The following ZNF521 variants were observed in gnomAD, a reference collection of about 807,000 sequenced individuals.
ZNF521 encodes the protein zinc finger protein 521, also known as LYST-interacting protein 3.
In ZNF521, 14 loss-of-function variants were observed where a neutral mutation model predicts 105.5. The ratio of observed to expected loss-of-function variants is 0.13; its 90% CI spans 0.09 to 0.21. The LOEUF (loss-of-function observed/expected upper bound fraction) is 0.21. Among genes scored for constraint, ZNF521 ranks in the 10% least tolerant of loss-of-function variants. ZNF521 has a pLI of 1.00. For synonymous variants in ZNF521, 635 were observed against 606.0 expected (o/e 1.05, Z -0.70); for missense variants, 1,233 against 1,629.7 (o/e 0.76, Z 4.19).
At chr18:25,231,415 GA>G (rs1245113192) in intron 3 of ZNF521, 1 of 152,280 alleles carries the variant, frequency 6.6e-6, no homozygotes, top group Non-Finnish European at 1.5e-5. Context: ...ACAGAAAAGT[GA>G]AGTCATACCA....
chr18:25,076,872 G>A lies in ZNF521; in HGVS notation c.3906+12593C>T, dbSNP rs1008005822. On this transcript the variant is annotated intron_variant, in intron 7 of 7. Coordinates refer to ENST00000361524, the MANE Select transcript of ZNF521 (RefSeq NM_015461.3). ...GTTAACACAGAGGCCTGGGATGGAA[G>A]GCTGGGATGGCCCCCTTATAGGGTA... Among the ~76,000 whole-genome samples, 5 of 152,380 alleles carry A rather than the reference G, an allele frequency of 3.3e-5. No homozygotes were observed. In the Middle Eastern group the frequency reaches 0.01, roughly 311 times the overall value.
chr18:25,311,532 G>A (rs1912308722), intron 3 of ZNF521, among the ~76,000 whole-genome samples: 1 of 152,102 alleles, frequency 6.6e-6, no homozygotes, highest in Non-Finnish European at 1.5e-5. Context: ...CCAAATGACT[G>A]CAGAGGGCCT....
At chr18:25,106,168 A>G (rs1245559215) in intron 5 of ZNF521, among the ~76,000 whole-genome samples, 1 of 152,178 alleles carries the variant, frequency 6.6e-6, no homozygotes, top group Non-Finnish European at 1.5e-5. Context: ...AAACTGTTTG[A>G]AAATCCAAAA....
rs138548681 is a variant in ZNF521, at chr18:25,293,672, A to G, written c.220+28336T>C. 5.1e-3 allele frequency among the ~76,000 whole-genome samples: 771 copies of G among 152,264 alleles called. 2 individuals carry two copies. The highest frequency in any genetic ancestry group is 0.024 in the Middle Eastern group (7 of 294). ...GGCTGCTTTGTTAGTGTTCATTTTT[A>G]TATTTTAGGTATTTAAATAGTATTG... On this transcript the variant is annotated intron_variant, in intron 3 of 7. Transcript: ENST00000361524.
At chr18:25,129,809 T>C (rs77170954) in intron 5 of ZNF521, among the ~76,000 whole-genome samples, 2 of 88,130 alleles carry the variant, frequency 2.3e-5, no homozygotes, top group Non-Finnish European at 6.6e-5. Context: ...CCTGTCAGAA[T>C]GACTGATTTC....
intron 3 of ZNF521, among the ~76,000 whole-genome samples, chr18:25,318,409 G>C (rs1336310879): frequency 6.6e-6 from 1 of 152,058 alleles, no homozygotes; most frequent in Non-Finnish European, 1.5e-5. Flanking sequence ...TATTTATTTT[G>C]CCAAAATTCA....
intron 4 of ZNF521, among the ~76,000 whole-genome samples, chr18:25,223,018 G>T (rs545509172): frequency 6.6e-6 from 1 of 152,174 alleles, no homozygotes; most frequent in Non-Finnish European, 1.5e-5. Flanking sequence ...ACACATACGT[G>T]TTCGCTGTGT....
At chr18:25,340,261 G>A (rs947969670) in intron 2 of ZNF521, among the ~76,000 whole-genome samples, 2 of 152,066 alleles carry the variant, frequency 1.3e-5, no homozygotes, top group Non-Finnish European at 2.9e-5. Flanking sequence ...AGGCTGAGGT[G>A]AGAGGATCGC....
intron 5 of ZNF521, among the ~76,000 whole-genome samples, chr18:25,110,466 AGAATGAGAGAGGGAGG>A (rs959437048): frequency 5.9e-5 from 9 of 151,950 alleles, no homozygotes; most frequent in Admixed American, 1.3e-4. Flanking sequence ...AAAGAGGGAG[AGAATGAGAGAGGGAGG>A]GAAGAGACAG....
intron 5 of ZNF521, among the ~76,000 whole-genome samples, chr18:25,148,104 G>A (rs1331577616): frequency 3.9e-5 from 6 of 152,138 alleles, no homozygotes; most frequent in East Asian, 1.9e-4. Context: ...GCTTTTATGA[G>A]ACAGCAGTTG....
At chr18:25,079,368 T>G (rs1019968981) in intron 7 of ZNF521, among the ~76,000 whole-genome samples, 9 of 152,182 alleles carry the variant, frequency 5.9e-5, no homozygotes, top group South Asian at 2.1e-4. Context: ...GGGTCCCTCT[T>G]ACTCATCGAT....
chr18:25,338,205 T>C (rs1416865073), intron 2 of ZNF521, among the ~76,000 whole-genome samples: 1 of 151,634 alleles, frequency 6.6e-6, no homozygotes, highest in East Asian at 1.9e-4. Context: ...TGACCTTTCT[T>C]ACAGAATTAC....
At chr18:25,348,196 C>T (rs1183010543) in intron 2 of ZNF521, among the ~76,000 whole-genome samples, 2 of 152,146 alleles carry the variant, frequency 1.3e-5, no homozygotes, top group Non-Finnish European at 2.9e-5. Context: ...GAACACAGGT[C>T]ATAATAACAC....
intron 7 of ZNF521, among the ~76,000 whole-genome samples, chr18:25,081,462 ATTG>A (rs1316826847): frequency 6.6e-6 from 1 of 152,172 alleles, no homozygotes; most frequent in Non-Finnish European, 1.5e-5. Context: ...GTTTCAGCTT[ATTG>A]CAATTACCTC....
chr18:25,325,077 G>A (rs1296101430), intron 2 of ZNF521, among the ~76,000 whole-genome samples: 3 of 152,332 alleles, frequency 2.0e-5, no homozygotes, highest in East Asian at 3.9e-4. Context: ...ACACTTAAGA[G>A]GGACCCTCTG....
chr18:25,154,660 T>C (rs887703645), intron 5 of ZNF521, among the ~76,000 whole-genome samples: 10 of 152,040 alleles, frequency 6.6e-5, no homozygotes, highest in African/African-American at 9.7e-5. Flanking sequence ...TGTAAATAAC[T>C]CAAATCAGAT....
At chr18:25,089,416 TAAG>T (rs770782556) in intron 7 of ZNF521, 46 bp downstream of exon 7, 2 of 1,406,020 alleles carry the variant, frequency 1.4e-6, no homozygotes, top group African/African-American at 1.4e-5. Flanking sequence ...CTGTTTACTA[TAAG>T]AATAGCAACT....
At chr18:25,167,035 C>G (rs1312663265) in intron 5 of ZNF521, among the ~76,000 whole-genome samples, 2 of 152,110 alleles carry the variant, frequency 1.3e-5, no homozygotes, top group East Asian at 3.9e-4. Flanking sequence ...CTGATTCAGC[C>G]TTAGCCAAGC....
chr18:25,065,549 G>T (rs1001933175), intron 7 of ZNF521, among the ~76,000 whole-genome samples: 1 of 151,626 alleles, frequency 6.6e-6, no homozygotes, highest in East Asian at 1.9e-4. Context: ...CTGGTCCCAA[G>T]CATTTTAAAA....
Sources: gnomAD v4.1 joint callset for allele counts (sites outside exome capture counted in the v4.1 genomes callset) on GRCh38, gnomAD v4.1.1 for gene constraint, MANE v1.5 for transcripts, NCBI Gene and HGNC (gene_info 2026-07-23, HGNC 2026-07-21) for gene names.